KCNIP4: variants seen among roughly 807,000 people sequenced by gnomAD.
KCNIP4 encodes Kv channel-interacting protein 4.
A neutral mutation model predicts 34.0 loss-of-function variants in KCNIP4; 12 were observed. The ratio of observed to expected loss-of-function variants is 0.35; its 90% CI spans 0.23 to 0.57. The LOEUF (loss-of-function observed/expected upper bound fraction) is 0.57, where lower values mean the gene tolerates loss of function less well. KCNIP4 is among the 20% of genes least tolerant of loss of function. The probability of loss-of-function intolerance (pLI) is 0.83; values close to 1 mark genes in which losing one functional copy is unlikely to be tolerated. For synonymous variants in KCNIP4, 124 were observed against 102.2 expected (o/e 1.21, Z -1.29); for missense variants, 238 against 311.7 (o/e 0.76, Z 1.78).
chr4:21,381,768 G>C (rs17462464), intron 1 of KCNIP4, among the ~76,000 whole-genome samples: 31,190 of 152,106 alleles, frequency 0.21, 3,652 homozygotes, highest in Middle Eastern at 0.31. Context: ...ATAAATTAAT[G>C]TTTCTACGAC....
intron 1 of KCNIP4, among the ~76,000 whole-genome samples, chr4:21,151,489 G>C (rs1752757899): frequency 7.2e-6 from 1 of 139,336 alleles, no homozygotes; most frequent in South Asian, 2.3e-4. Context: ...GGTGAGATCT[G>C]GTGTGGCCTC....
At chr4:21,680,667 C>T (rs1382673444) in intron 1 of KCNIP4, among the ~76,000 whole-genome samples, 1 of 152,212 alleles carries the variant, frequency 6.6e-6, no homozygotes, top group Non-Finnish European at 1.5e-5. Context: ...GTTGTGTTAG[C>T]AGGCATGAAA....
intron 1 of KCNIP4, among the ~76,000 whole-genome samples, chr4:20,959,701 T>C (rs948150516): frequency 6.6e-6 from 1 of 152,160 alleles, no homozygotes. Flanking sequence ...TTTCTGTTTG[T>C]GTATCTCTCT....
intron 1 of KCNIP4, among the ~76,000 whole-genome samples, chr4:21,009,631 A>T (rs1738895677): frequency 1.3e-5 from 2 of 152,184 alleles, no homozygotes; most frequent in African/African-American, 4.8e-5. Flanking sequence ...TTCCTACCAC[A>T]TGTCTAATGT....
intron 1 of KCNIP4, chr4:21,848,174 T>A (rs1259113949): frequency 3.9e-5 from 6 of 152,120 alleles, no homozygotes; most frequent in Non-Finnish European, 7.4e-5. Flanking sequence ...TAATTCTCTG[T>A]GCTTCTTGAA....
chr4:21,519,479 T>TGC (rs1735150181), intron 1 of KCNIP4, among the ~76,000 whole-genome samples: 1 of 69,508 alleles, frequency 1.4e-5, no homozygotes, highest in Non-Finnish European at 3.2e-5. Flanking sequence ...TGTGTATGTG[T>TGC]ATATACACAT....
rs138953301 is a variant in KCNIP4, at chr4:21,050,652, G to A, written c.62-167943C>T. ...TGGCATTATGGCATAAGGCAAATATGATGGTTCAACCAGCTAAGTAAACAC... is the reference window on the plus strand; with the variant it reads ...TGGCATTATGGCATAAGGCAAATATAATGGTTCAACCAGCTAAGTAAACAC... On this transcript the variant is annotated intron_variant, in intron 1 of 8. Coordinates refer to ENST00000382152, the MANE Select transcript of KCNIP4 (RefSeq NM_025221.6). 4.7e-3 allele frequency among the ~76,000 whole-genome samples: 722 copies of A among 152,280 alleles called. 6 individuals are homozygous for A. Among genetic ancestry groups the A allele is most frequent in the African/African-American group, 0.017 (694 of 41,552 alleles).
At chr4:21,696,525 G>C (rs1213870641) in intron 1 of KCNIP4, among the ~76,000 whole-genome samples, 1 of 152,074 alleles carries the variant, frequency 6.6e-6, no homozygotes, top group Admixed American at 6.5e-5. Context: ...CAAAGTGTGT[G>C]TCCTGTTAAC....
chr4:21,045,364 A>G (rs1307763987), intron 1 of KCNIP4, among the ~76,000 whole-genome samples: 1 of 152,200 alleles, frequency 6.6e-6, no homozygotes, highest in East Asian at 1.9e-4. Context: ...GATGATGCTA[A>G]TTTTGCTGGT....
chr4:20,890,046 A>G (rs566796657), intron 1 of KCNIP4, among the ~76,000 whole-genome samples: 1 of 152,300 alleles, frequency 6.6e-6, no homozygotes, highest in African/African-American at 2.4e-5. Flanking sequence ...AACCATCTGC[A>G]TCTATTATAA....
At chr4:21,099,775 T>A (rs889234685) in intron 1 of KCNIP4, among the ~76,000 whole-genome samples, 2 of 152,138 alleles carry the variant, frequency 1.3e-5, no homozygotes, top group Non-Finnish European at 2.9e-5. Flanking sequence ...TCATAATTCA[T>A]GGGAGAAGGT....
intron 1 of KCNIP4, among the ~76,000 whole-genome samples, chr4:21,201,904 T>C (rs1204166804): frequency 1.3e-5 from 2 of 152,244 alleles, no homozygotes; most frequent in African/African-American, 2.4e-5. Flanking sequence ...TCCTTGTACA[T>C]GCTATTCATA....
chr4:20,926,594 CT>C (rs1365550443), intron 1 of KCNIP4, among the ~76,000 whole-genome samples: 2 of 152,182 alleles, frequency 1.3e-5, no homozygotes, highest in Non-Finnish European at 2.9e-5. Context: ...CACTGCAGAA[CT>C]CTTTGGTAAA....
intron 1 of KCNIP4, among the ~76,000 whole-genome samples, chr4:21,796,815 G>A (rs1340275363): frequency 6.6e-6 from 1 of 152,186 alleles, no homozygotes; most frequent in Non-Finnish European, 1.5e-5. Context: ...GTTTGCGGGA[G>A]TCAAGATTAC....
intron 1 of KCNIP4, among the ~76,000 whole-genome samples, chr4:21,789,664 C>G (rs58774966): frequency 0.11 from 16,007 of 152,140 alleles, 2,863 homozygotes; most frequent in African/African-American, 0.37. Context: ...TCAAGACATT[C>G]AAAGTTTCTT....
intron 1 of KCNIP4, among the ~76,000 whole-genome samples, chr4:21,689,964 T>C (rs1751136229): frequency 6.6e-6 from 1 of 151,904 alleles, no homozygotes; most frequent in Non-Finnish European, 1.5e-5. Context: ...CCTTGAGACA[T>C]CCTGATGTCA....
At chr4:21,823,953 TG>T (rs1388286440) in intron 1 of KCNIP4, among the ~76,000 whole-genome samples, 1 of 152,100 alleles carries the variant, frequency 6.6e-6, no homozygotes, top group Non-Finnish European at 1.5e-5. Context: ...TTTGGCCAGG[TG>T]ACATATTTTT....
chr4:20,862,445 A>T (rs986977715), intron 2 of KCNIP4, among the ~76,000 whole-genome samples: 1 of 152,186 alleles, frequency 6.6e-6, no homozygotes, highest in Admixed American at 6.6e-5. Context: ...GAACTTACAC[A>T]TAAAGACAGA....
chr4:20,918,653 T>G (rs1456469040), intron 1 of KCNIP4, among the ~76,000 whole-genome samples: 1 of 152,192 alleles, frequency 6.6e-6, no homozygotes, highest in Non-Finnish European at 1.5e-5. Flanking sequence ...GTTTCCTATC[T>G]TCCTGGAGCC....
Sources: gnomAD v4.1 joint callset for allele counts (sites outside exome capture counted in the v4.1 genomes callset) on GRCh38, gnomAD v4.1.1 for gene constraint, MANE v1.5 for transcripts, NCBI Gene and HGNC (gene_info 2026-07-23, HGNC 2026-07-21) for gene names.